MSI2: variants seen among roughly 807,000 people sequenced by gnomAD.
The protein encoded by MSI2 is RNA-binding protein Musashi homolog 2.
A neutral mutation model predicts 45.6 loss-of-function variants in MSI2; 17 were observed. The ratio of observed to expected loss-of-function variants is 0.37; its 90% CI spans 0.26 to 0.56. The LOEUF (loss-of-function observed/expected upper bound fraction) is 0.56, where lower values mean the gene tolerates loss of function less well. Among genes scored for constraint, MSI2 ranks in the 20% least tolerant of loss-of-function variants. The probability of loss-of-function intolerance (pLI) is 0.77; values close to 1 mark genes in which losing one functional copy is unlikely to be tolerated. For synonymous variants in MSI2, 156 were observed against 158.2 expected (o/e 0.99, Z 0.11); for missense variants, 293 against 444.2 (o/e 0.66, Z 3.06).
intron 6 of MSI2, among the ~76,000 whole-genome samples, chr17:57,506,658 G>GT (rs1238497473): frequency 3.9e-5 from 6 of 152,118 alleles, no homozygotes; most frequent in Non-Finnish European, 7.4e-5. Flanking sequence ...GGAGTGGAGG[G>GT]GGCTCTGCCT....
In MSI2 at chr17:57,308,454, A is replaced by C. The variant is rs567707676; in HGVS notation, c.312+46262A>C. Among the ~76,000 whole-genome samples the C allele has an allele frequency of 2.0e-5, 3 of 152,358 alleles. No homozygotes were observed. In the East Asian group the frequency reaches 5.8e-4, roughly 29 times the overall value. On this transcript the variant is annotated intron_variant, in intron 5 of 13. Transcript: ENST00000284073. ...TTTTAATTGCCCCATGTTAATGCTG[A>C]GAAACGAAAGCATAGAACTTAAGTG...
intron 7 of MSI2, among the ~76,000 whole-genome samples, chr17:57,566,761 C>T (rs901478636): frequency 2.0e-5 from 3 of 152,164 alleles, no homozygotes; most frequent in South Asian, 2.1e-4. Context: ...AGACTGCCAC[C>T]GATCTGGTTG....
intron 5 of MSI2, among the ~76,000 whole-genome samples, chr17:57,372,917 A>T (rs1034132025): frequency 1.3e-5 from 2 of 152,154 alleles, no homozygotes; most frequent in African/African-American, 4.8e-5. Context: ...GCAAAAATAA[A>T]TTCAGAATTA....
intron 11 of MSI2, among the ~76,000 whole-genome samples, chr17:57,653,766 A>G (rs1224261072): frequency 2.0e-5 from 3 of 151,798 alleles, no homozygotes; most frequent in Non-Finnish European, 1.5e-5. Context: ...GTTCTCCTTG[A>G]CTTCATGGCA....
intron 4 of MSI2, among the ~76,000 whole-genome samples, chr17:57,261,338 A>G (rs1598039769): frequency 6.8e-6 from 1 of 147,788 alleles, no homozygotes; most frequent in East Asian, 2.0e-4. Context: ...GATTCTGACT[A>G]CTTCTTGTAT....
At chr17:57,285,449 T>C (rs536334479) in intron 5 of MSI2, among the ~76,000 whole-genome samples, 84 of 152,302 alleles carry the variant, frequency 5.5e-4, no homozygotes, top group Non-Finnish European at 1.0e-3. Context: ...GGTTTTCCAT[T>C]TTCACGGTGA....
chr17:57,559,405 T>A (rs2087519521), intron 7 of MSI2, among the ~76,000 whole-genome samples: 1 of 152,206 alleles, frequency 6.6e-6, no homozygotes, highest in Non-Finnish European at 1.5e-5. Flanking sequence ...TGGACTCCTT[T>A]CCAGACCAGC....
At chr17:57,445,270 G>A (rs1377991272) in intron 6 of MSI2, among the ~76,000 whole-genome samples, 1 of 152,234 alleles carries the variant, frequency 6.6e-6, no homozygotes, top group African/African-American at 2.4e-5. Flanking sequence ...GAGATGAAGT[G>A]TGTGAAGGAA....
chr17:57,332,918 G>C (rs988615776), intron 5 of MSI2, among the ~76,000 whole-genome samples: 5 of 152,064 alleles, frequency 3.3e-5, no homozygotes, highest in African/African-American at 1.2e-4. Context: ...CCAGCTACTC[G>C]GGAGGCTGAG....
intron 10 of MSI2, among the ~76,000 whole-genome samples, chr17:57,633,516 C>T (rs766219019): frequency 4.6e-5 from 7 of 152,260 alleles, no homozygotes; most frequent in Admixed American, 6.5e-5. Flanking sequence ...TAGGTGTGTG[C>T]GCCGTCTTAC....
Position 57,627,342 on chromosome 17 carries a change from A to G in MSI2, c.727+39A>G, listed in dbSNP as rs1908903775. The G allele has an allele frequency of 6.3e-7, 1 of 1,589,198 alleles. No homozygotes were observed. Reference sequence around the variant, plus strand: ...TCTCCCAGGGCTTTGGAAGCACAAGAGGTGGGCTGCATTTGCGGGGAGGTG... The same window carrying G: ...TCTCCCAGGGCTTTGGAAGCACAAGGGGTGGGCTGCATTTGCGGGGAGGTG... On this transcript the variant is annotated intron_variant, in intron 10 of 13. Transcript: ENST00000284073. The surrounding 1 kb of genome is among the most constrained non-coding windows in gnomAD (Gnocchi z 4.6).
intron 5 of MSI2, among the ~76,000 whole-genome samples, chr17:57,311,088 A>C (rs1382174639): frequency 6.6e-6 from 1 of 152,214 alleles, no homozygotes; most frequent in Admixed American, 6.5e-5. Flanking sequence ...TAGATGCTCA[A>C]TATGTGGTGG....
chr17:57,296,354 A>T (rs923972751), intron 5 of MSI2, among the ~76,000 whole-genome samples: 7 of 152,154 alleles, frequency 4.6e-5, no homozygotes, highest in Non-Finnish European at 1.0e-4. Context: ...ACTGCAATTA[A>T]CATAAATTAC....
intron 6 of MSI2, among the ~76,000 whole-genome samples, chr17:57,501,468 G>A (rs1441737731): frequency 1.3e-5 from 2 of 152,246 alleles, no homozygotes; most frequent in African/African-American, 2.4e-5. Context: ...CCTGGGCCAG[G>A]CCCTGTTAGC....
chr17:57,638,504 C>T (rs989090158), intron 10 of MSI2, among the ~76,000 whole-genome samples: 1 of 152,130 alleles, frequency 6.6e-6, no homozygotes, highest in Admixed American at 6.5e-5. Flanking sequence ...CAGAGGGAGC[C>T]GTTGACTCTG....
chr17:57,341,014 A>C (rs1915097311), intron 5 of MSI2, among the ~76,000 whole-genome samples: 1 of 152,162 alleles, frequency 6.6e-6, no homozygotes, highest in African/African-American at 2.4e-5. Flanking sequence ...GGTGTGCTCA[A>C]GTGCAGGTCC....
Position 57,287,460 on chromosome 17 carries a change from C to T in MSI2, c.312+25268C>T, listed in dbSNP as rs1261043420. Among the ~76,000 whole-genome samples the T allele has an allele frequency of 2.0e-5, 3 of 152,136 alleles. No individual in the cohort carries two copies. In the East Asian group the frequency reaches 5.8e-4, roughly 29 times the overall value. ...GGGCTGTCTGCGGGTGGAGGACTGC[C>T]GGGGCTTACCATCCTAACTTGTTGC... On this transcript the variant is annotated intron_variant, in intron 5 of 13. Coordinates refer to ENST00000284073, the MANE Select transcript of MSI2 (RefSeq NM_138962.4).
intron 6 of MSI2, among the ~76,000 whole-genome samples, chr17:57,409,718 G>A (rs1298014639): frequency 6.6e-6 from 1 of 152,160 alleles, no homozygotes; most frequent in African/African-American, 2.4e-5. Context: ...ACAGATGAAA[G>A]AGTGTGGGGC....
intron 7 of MSI2, among the ~76,000 whole-genome samples, chr17:57,565,509 G>A (rs1421266769): frequency 1.3e-5 from 2 of 152,198 alleles, no homozygotes; most frequent in Non-Finnish European, 2.9e-5. Flanking sequence ...CCACCTGCCT[G>A]AAAGCCTTCC....
Sources: allele counts gnomAD v4.1 joint callset (sites outside exome capture counted in the v4.1 genomes callset), GRCh38; gene constraint gnomAD v4.1.1; non-coding constraint Gnocchi (gnomAD v3.1); transcripts MANE v1.5; gene names NCBI Gene and HGNC (gene_info 2026-07-23, HGNC 2026-07-21).